The following MLIP variants were observed in gnomAD, a reference collection of about 807,000 sequenced individuals.
MLIP encodes muscular LMNA interacting protein, also known as muscular LMNA-interacting protein.
In MLIP, 79 loss-of-function variants were observed where a neutral mutation model predicts 84.8. The ratio of observed to expected loss-of-function variants is 0.93; its 90% CI spans 0.78 to 1.12. The LOEUF (loss-of-function observed/expected upper bound fraction) is 1.12. Among genes scored for constraint, MLIP ranks in the 50% most tolerant of loss-of-function variants. MLIP has a pLI of 0.00. For missense variants in MLIP, 1,257 were observed against 1,160.6 expected (o/e 1.08, Z -1.21); for synonymous variants, 504 against 463.0 (o/e 1.09, Z -1.14).
chr6:54,092,955 C>A (rs369199109), intron 1 of MLIP, among the ~76,000 whole-genome samples: 1 of 152,130 alleles, frequency 6.6e-6, no homozygotes, highest in African/African-American at 2.4e-5. Context: ...TGGCTTACTG[C>A]AACCTCTGCC....
At chr6:54,093,903 C>G (rs925318679) in intron 1 of MLIP, among the ~76,000 whole-genome samples, 11 of 152,054 alleles carry the variant, frequency 7.2e-5, no homozygotes, top group Admixed American at 2.6e-4. Flanking sequence ...ACTTTCTGGC[C>G]CCTTACAGAA....
chr6:54,173,841 T>G (rs914392487), intron 9 of MLIP, among the ~76,000 whole-genome samples: 1 of 151,880 alleles, frequency 6.6e-6, no homozygotes, highest in African/African-American at 2.4e-5. Context: ...CTTTCTATTT[T>G]TTTTGTACTC....
At chr6:54,094,874 T>G (rs985362120) in intron 1 of MLIP, among the ~76,000 whole-genome samples, 3 of 152,190 alleles carry the variant, frequency 2.0e-5, no homozygotes, top group African/African-American at 7.2e-5. Context: ...CAACCTTATA[T>G]GATCAGAGCA....
chr6:54,055,699 G>T (rs1290189200), intron 1 of MLIP, among the ~76,000 whole-genome samples: 2 of 152,020 alleles, frequency 1.3e-5, no homozygotes, highest in Non-Finnish European at 2.9e-5. Context: ...TAATAAATAT[G>T]ATTATTAAAA....
At chr6:54,112,697 A>G (rs670463) in intron 1 of MLIP, among the ~76,000 whole-genome samples, 62,198 of 152,046 alleles carry the variant, frequency 0.41, 13,587 homozygotes, top group African/African-American at 0.56. Flanking sequence ...CACTGGTGAG[A>G]AAATTTTATG....
At position 54,266,134 on chromosome 6, in the gene MLIP, A is replaced by G. The variant is rs192725080; in HGVS notation, c.*179A>G. 28 of 626,606 alleles carry G rather than the reference A, an allele frequency of 4.5e-5. No homozygotes were observed. In the African/African-American group the frequency reaches 4.8e-4, roughly 11 times the overall value. The allele number at this position is 626,606 out of a possible 1,614,324, so 38.8% of individuals were successfully genotyped here. A position where few individuals can be genotyped will look rare whatever the true frequency, so the allele number is the denominator to read the frequency against. On this transcript the variant is annotated 3_prime_UTR_variant, in exon 14 of 14. Transcript: ENST00000502396. Reference sequence around the variant, plus strand: ...TTATATAGCATCACAGTGCTCTGCTAACAGCCAGCATAGAAGAGATTTACC... The same window carrying G: ...TTATATAGCATCACAGTGCTCTGCTGACAGCCAGCATAGAAGAGATTTACC...
At chr6:54,028,577 C>T (rs961368452) in intron 1 of MLIP, among the ~76,000 whole-genome samples, 1 of 152,028 alleles carries the variant, frequency 6.6e-6, no homozygotes, top group Non-Finnish European at 1.5e-5. Context: ...CTTTTTTCAT[C>T]CCTATTTTGT....
At chr6:54,052,415 G>A (rs913731847) in intron 1 of MLIP, among the ~76,000 whole-genome samples, 4 of 152,134 alleles carry the variant, frequency 2.6e-5, no homozygotes, top group African/African-American at 9.7e-5. Flanking sequence ...AATTGTTTCT[G>A]CAATTCTGGT....
At chr6:54,265,627 G>C (rs912285590) in intron 13 of MLIP, among the ~76,000 whole-genome samples, 2 of 152,070 alleles carry the variant, frequency 1.3e-5, no homozygotes, top group African/African-American at 4.8e-5. Flanking sequence ...GTGTGGGTGT[G>C]GGTGAGATAT....
intron 13 of MLIP, 109 bp from the exon 14 acceptor site, chr6:54,265,841 C>T: frequency 2.0e-6 from 2 of 1,002,194 alleles, no homozygotes; most frequent in South Asian, 1.5e-5. Context: ...GTAGTATAAA[C>T]CATTTTTTTG....
intron 12 of MLIP, among the ~76,000 whole-genome samples, chr6:54,254,807 C>T (rs1015613274): frequency 2.0e-5 from 3 of 146,548 alleles, no homozygotes; most frequent in African/African-American, 5.1e-5. Flanking sequence ...CCTGCCCTGC[C>T]GCCACATCTC....
At chr6:54,232,185 A>G (rs1207105010) in intron 12 of MLIP, among the ~76,000 whole-genome samples, 1 of 152,054 alleles carries the variant, frequency 6.6e-6, no homozygotes, top group Non-Finnish European at 1.5e-5. Flanking sequence ...CATGAAATAC[A>G]TTTAGTTATT....
At chr6:54,257,224 G>A in intron 12 of MLIP, 84 bp from the exon 13 acceptor site, 1 of 929,274 alleles carries the variant, frequency 1.1e-6, no homozygotes. Context: ...TTATGTCATT[G>A]TCAATCTGTT....
intron 9 of MLIP, among the ~76,000 whole-genome samples, chr6:54,170,501 GA>G (rs1164761643): frequency 2.0e-5 from 3 of 151,490 alleles, no homozygotes; most frequent in Non-Finnish European, 4.4e-5. Context: ...GCATTTCCTG[GA>G]AGTTTTGCTG....
chr6:54,055,584 T>G (rs1162083968), intron 1 of MLIP, among the ~76,000 whole-genome samples: 1 of 152,188 alleles, frequency 6.6e-6, no homozygotes, highest in African/African-American at 2.4e-5. Flanking sequence ...TTGCCTTATA[T>G]TTTTCAGGCA....
intron 1 of MLIP, among the ~76,000 whole-genome samples, chr6:54,085,138 G>A (rs1767402812): frequency 6.6e-6 from 1 of 152,140 alleles, no homozygotes; most frequent in Admixed American, 6.6e-5. Context: ...GATAACTGAG[G>A]CACAAGGCCA....
At chr6:54,067,347 G>T (rs1766262490) in intron 1 of MLIP, among the ~76,000 whole-genome samples, 1 of 101,114 alleles carries the variant, frequency 9.9e-6, no homozygotes, top group African/African-American at 2.5e-5. Context: ...CTGTTTGATA[G>T]TTGCCATTAA....
At chr6:54,205,565 CAG>C (rs3996969) in intron 11 of MLIP, among the ~76,000 whole-genome samples, 125,296 of 152,042 alleles carry the variant, frequency 0.82, 53,323 homozygotes, top group Non-Finnish European at 0.94. Context: ...TGAGACCTGA[CAG>C]AAATGTATTT....
intron 4 of MLIP, among the ~76,000 whole-genome samples, chr6:54,139,115 A>G (rs750457108): frequency 2.9e-4 from 44 of 152,226 alleles, no homozygotes; most frequent in Non-Finnish European, 5.0e-4. Context: ...GTGTACCACT[A>G]TACTAGCTTT....
Sources: gnomAD v4.1 joint callset for allele counts (sites outside exome capture counted in the v4.1 genomes callset) on GRCh38, gnomAD v4.1.1 for gene constraint, MANE v1.5 for transcripts, NCBI Gene and HGNC (gene_info 2026-07-23, HGNC 2026-07-21) for gene names.